CPAP: variants seen among roughly 807,000 people sequenced by gnomAD.
CPAP encodes centrosome assembly and centriole elongation protein.
chr13:24,904,742 A>T, the CPAP span, among the ~76,000 whole-genome samples: 1 of 152,246 alleles, frequency 6.6e-6, no homozygotes, highest in Non-Finnish European at 1.5e-5. Context: ...TTTTAAAATC[A>T]GAATTTTTGA....
the CPAP span, chr13:24,884,402 T>TCC: frequency 6.2e-7 from 1 of 1,614,082 alleles, no homozygotes; most frequent in Non-Finnish European, 8.5e-7. Context: ...TGCACTCACT[T>TCC]CCTTTCGAGT....
At chr13:24,932,923 C>CA in the CPAP span, 1 of 892,292 alleles carries the variant, frequency 1.1e-6, no homozygotes, top group South Asian at 1.6e-5. Flanking sequence ...CCTAATTTTT[C>CA]CAGTTTGTAT....
chr13:24,905,763 A>G, the CPAP span: 1 of 1,614,190 alleles, frequency 6.2e-7, no homozygotes. Context: ...TCTTTATCAG[A>G]CAAATCCAGA....
chr13:24,885,449 TA>T, the CPAP span: 1 of 1,260,606 alleles, frequency 7.9e-7, no homozygotes, highest in Non-Finnish European at 1.2e-6. Context: ...CAGATTCTGA[TA>T]TAGGGTTCTA....
At chr13:24,884,209 T>A in the CPAP span, 1 of 1,614,188 alleles carries the variant, frequency 6.2e-7, no homozygotes, top group Non-Finnish European at 8.5e-7. Flanking sequence ...TCCGGGTATG[T>A]CGTGTGAGTG....
At chr13:24,913,130 G>T in the CPAP span, 2 of 938,472 alleles carry the variant, frequency 2.1e-6, no homozygotes, top group Non-Finnish European at 3.3e-6. Flanking sequence ...ATTAGGTAAA[G>T]CCATTAGATG....
the CPAP span, among the ~76,000 whole-genome samples, chr13:24,915,516 G>A: frequency 3.3e-5 from 5 of 152,134 alleles, no homozygotes; most frequent in South Asian, 2.1e-4. Flanking sequence ...CAAAAAGAGA[G>A]GAGGCGGCTG....
the CPAP span, among the ~76,000 whole-genome samples, chr13:24,887,375 C>T: frequency 6.6e-6 from 1 of 152,158 alleles, no homozygotes; most frequent in Admixed American, 6.5e-5. Flanking sequence ...GGCGAGCCAG[C>T]GAAGCTTCAT....
chr13:24,892,799 T>C, the CPAP span: 8 of 1,613,842 alleles, frequency 5.0e-6, no homozygotes, highest in South Asian at 8.8e-5. Flanking sequence ...GACGGCTGTG[T>C]GTACTTGACC....
chr13:24,930,236 G>C, the CPAP span, among the ~76,000 whole-genome samples: 1 of 151,226 alleles, frequency 6.6e-6, no homozygotes, highest in Non-Finnish European at 1.5e-5. Context: ...CAATTTTTTT[G>C]GTTCTTTTCA....
At chr13:24,889,261 T>C in the CPAP span, 41 of 1,185,352 alleles carry the variant, frequency 3.5e-5, no homozygotes, top group South Asian at 4.9e-5. Context: ...TGGGTATAAA[T>C]TGTTTATTCC....
At chr13:24,909,934 G>A in the CPAP span, 2 of 1,614,122 alleles carry the variant, frequency 1.2e-6, no homozygotes, top group Non-Finnish European at 1.7e-6. Flanking sequence ...AAGTTGCTTT[G>A]CTCATGGGAT....
the CPAP span, chr13:24,885,429 C>T: frequency 7.3e-7 from 1 of 1,378,876 alleles, no homozygotes; most frequent in Non-Finnish European, 1.0e-6. Context: ...CCTACTCTTA[C>T]TTCCAAAGCC....
chr13:24,889,442 G>A, the CPAP span: 2 of 1,298,518 alleles, frequency 1.5e-6, no homozygotes, highest in South Asian at 1.2e-5. Context: ...ATGAGTGTTA[G>A]TCTATTAATA....
the CPAP span, among the ~76,000 whole-genome samples, chr13:24,902,778 G>A: frequency 6.6e-6 from 1 of 152,136 alleles, no homozygotes; most frequent in Non-Finnish European, 1.5e-5. Context: ...CAGCATCCTG[G>A]GGAGTGCTAA....
the CPAP span, among the ~76,000 whole-genome samples, chr13:24,913,815 C>A: frequency 6.6e-6 from 1 of 152,198 alleles, no homozygotes; most frequent in Non-Finnish European, 1.5e-5. Context: ...TTGGCTCATG[C>A]CATAACTCTG....
At chr13:24,891,083 G>A in the CPAP span, among the ~76,000 whole-genome samples, 1 of 151,716 alleles carries the variant, frequency 6.6e-6, no homozygotes, top group Non-Finnish European at 1.5e-5. Context: ...CAACACTCCA[G>A]AGAAACAGTC....
the CPAP span, among the ~76,000 whole-genome samples, chr13:24,932,499 G>C: frequency 1.3e-5 from 2 of 152,090 alleles, no homozygotes; most frequent in African/African-American, 4.8e-5. Flanking sequence ...CCCAAATGCA[G>C]AATATATATG....
At chr13:24,923,953 C>G in the CPAP span, among the ~76,000 whole-genome samples, 1 of 152,056 alleles carries the variant, frequency 6.6e-6, no homozygotes, top group Non-Finnish European at 1.5e-5. Context: ...CTCAGCCTCC[C>G]GAGTAGCTGG....
Sources: gnomAD v4.1 joint callset for allele counts (sites outside exome capture counted in the v4.1 genomes callset) on GRCh38, gnomAD v4.1.1 for gene constraint, MANE v1.5 for transcripts, NCBI Gene and HGNC (gene_info 2026-07-23, HGNC 2026-07-21) for gene names.